The following LEPR variants were observed in gnomAD, a reference collection of about 807,000 sequenced individuals.
LEPR encodes OB receptor.
A neutral mutation model predicts 114.7 loss-of-function variants in LEPR; 56 were observed. That is an observed-to-expected ratio of 0.49 (90% CI 0.39 to 0.61). The LOEUF (loss-of-function observed/expected upper bound fraction) is 0.61. Among genes scored for constraint, LEPR ranks in the 20% least tolerant of loss-of-function variants. The pLI, the probability that LEPR is intolerant of heterozygous loss-of-function variation, is 0.00. For missense variants in LEPR, 1,202 were observed against 1,352.9 expected, an observed-to-expected ratio of 0.89 and a Z score of 1.75; for synonymous variants, 443 against 461.4, an observed-to-expected ratio of 0.96 and a Z score of 0.51.
In LEPR at chr1:65,522,915, T is replaced by C. The variant is rs145700298; in HGVS notation, c.-20-42631T>C. Among the ~76,000 whole-genome samples the C allele has an allele frequency of 4.1e-4, 63 of 152,242 alleles. No homozygotes were observed. The East Asian group carries it at 0.012, about 28-fold the overall frequency. ...ATCTGCTTTGCTCTAGTAAATTCTA[T>C]CTTCTCATTGTAGAGATGTTTTTCA... On this transcript the variant is annotated intron_variant, in intron 2 of 19. Coordinates refer to ENST00000349533, the MANE Select transcript of LEPR (RefSeq NM_002303.6).
intron 1 of LEPR, among the ~76,000 whole-genome samples, chr1:65,424,539 A>G (rs926774814): frequency 4.3e-5 from 5 of 117,264 alleles, no homozygotes; most frequent in Non-Finnish European, 9.3e-5. Context: ...AGACCTTTGT[A>G]TACTTTATGA....
At chr1:65,456,004 G>A (rs548083450) in intron 2 of LEPR, among the ~76,000 whole-genome samples, 3 of 152,132 alleles carry the variant, frequency 2.0e-5, no homozygotes, top group East Asian at 1.9e-4. Context: ...TTTTAAGCCC[G>A]TCGGAAAAGC....
intron 17 of LEPR, among the ~76,000 whole-genome samples, chr1:65,620,705 G>A (rs1657828167): frequency 6.6e-6 from 1 of 152,152 alleles, no homozygotes; most frequent in Non-Finnish European, 1.5e-5. Context: ...CTTGGAAACT[G>A]CAACTTTATG....
At chr1:65,571,093 T>A (rs3790429) in intron 4 of LEPR, among the ~76,000 whole-genome samples, 21,503 of 152,216 alleles carry the variant, frequency 0.14, 1,698 homozygotes, top group Admixed American at 0.22. Flanking sequence ...GTATAAAATA[T>A]CAAATGACTG....
chr1:65,484,613 G>C (rs1647390411), intron 2 of LEPR, among the ~76,000 whole-genome samples: 1 of 152,150 alleles, frequency 6.6e-6, no homozygotes. Flanking sequence ...GAAGGTACAG[G>C]AGGACTCTGG....
chr1:65,487,705 A>T (rs1174952099), intron 2 of LEPR, among the ~76,000 whole-genome samples: 2 of 74,894 alleles, frequency 2.7e-5, no homozygotes, highest in Admixed American at 1.6e-4. Flanking sequence ...TAAATTAAAA[A>T]ATTTTTTTTT....
At chr1:65,537,149 C>G (rs775147192) in intron 2 of LEPR, among the ~76,000 whole-genome samples, 16 of 152,216 alleles carry the variant, frequency 1.1e-4, no homozygotes, top group Non-Finnish European at 1.9e-4. Flanking sequence ...CAATACTACT[C>G]TCTTCCTTTG....
chr1:65,457,876 A>G (rs1198627176), intron 2 of LEPR, among the ~76,000 whole-genome samples: 4 of 152,214 alleles, frequency 2.6e-5, no homozygotes, highest in Non-Finnish European at 2.9e-5. Flanking sequence ...AGTTGATAGT[A>G]TATTTGTACC....
chr1:65,434,974 G>T, intron 2 of LEPR: 1 of 985,476 alleles, frequency 1.0e-6, no homozygotes, highest in Non-Finnish European at 1.2e-6. Flanking sequence ...CCTGCATTGG[G>T]CCGACTGCCA....
At chr1:65,536,412 C>T (rs985006787) in intron 2 of LEPR, among the ~76,000 whole-genome samples, 16 of 152,086 alleles carry the variant, frequency 1.1e-4, no homozygotes, top group Non-Finnish European at 2.2e-4. Context: ...AACCATGAGC[C>T]AAGAAACCTT....
intron 2 of LEPR, chr1:65,433,724 A>G: frequency 2.2e-6 from 2 of 918,626 alleles, no homozygotes; most frequent in Non-Finnish European, 1.3e-6. Context: ...AATTATTTAG[A>G]TACTTTATAA....
intron 3 of LEPR, among the ~76,000 whole-genome samples, chr1:65,566,479 C>T (rs992327764): frequency 1.3e-5 from 2 of 152,188 alleles, no homozygotes; most frequent in East Asian, 1.9e-4. Flanking sequence ...GGATTACAGG[C>T]GTGAGCCACC....
At chr1:65,495,418 A>G (rs554082991) in intron 2 of LEPR, among the ~76,000 whole-genome samples, 4 of 152,194 alleles carry the variant, frequency 2.6e-5, no homozygotes, top group Admixed American at 6.5e-5. Context: ...TAACTATGTG[A>G]AGAAATGGGA....
chr1:65,633,261 G>C lies in LEPR; in HGVS notation c.2674-2930G>C. 1 of 1,556,260 alleles carries C rather than the reference G, an allele frequency of 6.4e-7. No individual in the cohort carries two copies. The highest frequency in any genetic ancestry group is 8.6e-7 in the Non-Finnish European group (1 of 1,156,198). Reference sequence around the variant, plus strand: ...AAGATTTTTACATTTTGAAGAAGGGGAGCAAATCTAAAAAAAATTCAGTTG... The same window carrying C: ...AAGATTTTTACATTTTGAAGAAGGGCAGCAAATCTAAAAAAAATTCAGTTG... On this transcript the variant is annotated intron_variant, in intron 19 of 19. Transcript: ENST00000349533. The surrounding 1 kb of genome is among the most constrained non-coding windows in gnomAD (Gnocchi z 4.1).
chr1:65,594,076 A>G (rs1655883234), intron 6 of LEPR, among the ~76,000 whole-genome samples: 1 of 151,998 alleles, frequency 6.6e-6, no homozygotes, highest in Non-Finnish European at 1.5e-5. Flanking sequence ...AATATCCCCA[A>G]ATTATATGTT....
At chr1:65,510,821 C>T (rs1281423641) in intron 2 of LEPR, among the ~76,000 whole-genome samples, 2 of 152,164 alleles carry the variant, frequency 1.3e-5, no homozygotes, top group Non-Finnish European at 2.9e-5. Flanking sequence ...CTAGGCAACA[C>T]ACAGGGGGCA....
intron 2 of LEPR, among the ~76,000 whole-genome samples, chr1:65,534,754 T>C (rs1186075): frequency 0.73 from 110,468 of 151,988 alleles, 41,255 homozygotes; most frequent in Middle Eastern, 0.9. Context: ...GACATATAAA[T>C]GTTTTATCTA....
At chr1:65,426,033 A>C (rs1646355914) in intron 2 of LEPR, among the ~76,000 whole-genome samples, 1 of 151,146 alleles carries the variant, frequency 6.6e-6, no homozygotes, top group South Asian at 2.1e-4. Flanking sequence ...GACAGTAAAC[A>C]ACAAAAGTAT....
chr1:65,591,778 C>T (rs1570767667), intron 5 of LEPR, among the ~76,000 whole-genome samples: 1 of 151,790 alleles, frequency 6.6e-6, no homozygotes, highest in African/African-American at 2.4e-5. Context: ...TAATCTTTGC[C>T]TTCTAAATGG....
Sources: gnomAD v4.1 joint callset for allele counts (sites outside exome capture counted in the v4.1 genomes callset) on GRCh38, gnomAD v4.1.1 for gene constraint, Gnocchi (gnomAD v3.1) non-coding constraint, MANE v1.5 for transcripts, NCBI Gene and HGNC (gene_info 2026-07-23, HGNC 2026-07-21) for gene names.